Variants in KCNQ1 observed in about 807,000 individuals in gnomAD.
KCNQ1 encodes potassium voltage-gated channel subfamily KQT member 1.
KCNQ1 carries 49 observed loss-of-function variants against 72.4 expected under a neutral mutation model. The observed-to-expected ratio is 0.68, with a 90% confidence interval of 0.54 to 0.86. The LOEUF (loss-of-function observed/expected upper bound fraction) is 0.86. KCNQ1 is among the 40% of genes least tolerant of loss of function. KCNQ1 has a pLI of 0.00. For synonymous variants in KCNQ1, 450 were observed against 412.6 expected (o/e 1.09, Z -1.10); for missense variants, 790 against 945.1 (o/e 0.84, Z 2.15).
At position 2,848,238 on chromosome 11, in the gene KCNQ1, C is replaced by G; in HGVS notation, c.*235C>G. ...CCCGTCTCAGGTCTGAGTTGTTACC[C>G]CAAGCGCCCTGGCCCCCACATGGTG... On this transcript the variant is annotated 3_prime_UTR_variant, in exon 16 of 16. Transcript: ENST00000155840. 1.5e-6 allele frequency: 1 copy of G among 651,464 alleles called. No individual in the cohort carries two copies. The highest frequency in any genetic ancestry group is 2.8e-6 in the Non-Finnish European group (1 of 358,864). 40.4% of individuals were successfully genotyped at this position (651,464 alleles called of 1,614,324 possible).
At chr11:2,716,004 G>A (rs1851086324) in intron 11 of KCNQ1, among the ~76,000 whole-genome samples, 1 of 152,148 alleles carries the variant, frequency 6.6e-6, no homozygotes, top group Non-Finnish European at 1.5e-5. Context: ...AATGGCCCTG[G>A]GAGAGGCTGC....
At chr11:2,739,222 C>T (rs1846008245) in intron 11 of KCNQ1, among the ~76,000 whole-genome samples, 2 of 152,162 alleles carry the variant, frequency 1.3e-5, no homozygotes, top group African/African-American at 4.8e-5. Flanking sequence ...CTGGCTGGCT[C>T]ATACTTGGCC....
At position 2,624,096 on chromosome 11, in the gene KCNQ1, G is replaced by T; in HGVS notation, c.1393+35242G>T. ...AAGTATTTGGTATTGTCAGTGTTTT[G>T]AATTTTGGCCATTCTAATAAGCGTG... On this transcript the variant is annotated intron_variant, in intron 10 of 15. Transcript: ENST00000155840. This position sits in a 1 kb window ranked among gnomAD's most constrained non-coding sequence, Gnocchi z 4.9. 1 of 398,474 alleles carries T rather than the reference G, an allele frequency of 2.5e-6. No homozygotes were observed. Among genetic ancestry groups the T allele is most frequent in the South Asian group, 1.3e-4 (1 of 7,794 alleles). The allele number at this position is 398,474 out of a possible 1,614,324, so 24.7% of individuals were successfully genotyped here.
At chr11:2,520,224 G>T (rs138253618) in intron 1 of KCNQ1, among the ~76,000 whole-genome samples, 1 of 152,234 alleles carries the variant, frequency 6.6e-6, no homozygotes, top group African/African-American at 2.4e-5. Flanking sequence ...GGGGGCTTCT[G>T]GGGGGCAGCC....
chr11:2,740,250 C>G (rs888444431), intron 11 of KCNQ1, among the ~76,000 whole-genome samples: 17 of 152,178 alleles, frequency 1.1e-4, no homozygotes, highest in Non-Finnish European at 1.0e-4. Context: ...TGCTGCTGCC[C>G]ATCGACGCTG....
intron 10 of KCNQ1, chr11:2,629,933 C>A: frequency 2.5e-6 from 1 of 398,340 alleles, no homozygotes; most frequent in Non-Finnish European, 4.4e-6. Context: ...TGCCCAATTC[C>A]TCTGGCTAGG....
At position 2,669,601 on chromosome 11, in the gene KCNQ1, G is replaced by C. The variant is rs1019888236; in HGVS notation, c.1514+7520G>C. ...TTTCATCCTGCCCACAGGACACTGG[G>C]GCAGTCACCTAATCTCTATCAGCCT... is the stretch of plus-strand genomic sequence containing the variant. On this transcript the variant is annotated intron_variant, in intron 11 of 15. Transcript: ENST00000155840. The surrounding 1 kb of genome is among the most constrained non-coding windows in gnomAD (Gnocchi z 5.6). The C allele has an allele frequency of 5.0e-6, 2 of 398,468 alleles. No individual in the cohort carries two copies. The highest frequency in any genetic ancestry group is 8.8e-6 in the Non-Finnish European group (2 of 226,078). The allele number at this position is 398,468 out of a possible 1,614,324, so 24.7% of individuals were successfully genotyped here. A position where few individuals can be genotyped will look rare whatever the true frequency, so the allele number is the denominator to read the frequency against.
chr11:2,637,085 G>A (rs535801539), intron 10 of KCNQ1: 1 of 151,692 alleles, frequency 6.6e-6, no homozygotes, highest in South Asian at 2.1e-4. Flanking sequence ...TTCTTTATTA[G>A]TCTTGCTAGA....
Position 2,608,182 on chromosome 11 carries a change from G to C in KCNQ1, c.1393+19328G>C. 2.6e-6 allele frequency: 1 copy of C among 383,660 alleles called. No homozygotes were observed. Among genetic ancestry groups the C allele is most frequent in the Admixed American group, 4.5e-5 (1 of 22,140 alleles). The allele number at this position is 383,660 out of a possible 1,614,324, so 23.8% of individuals were successfully genotyped here. On this transcript the variant is annotated intron_variant, in intron 10 of 15. Coordinates refer to ENST00000155840, the MANE Select transcript of KCNQ1 (RefSeq NM_000218.3). This position sits in a 1 kb window ranked among gnomAD's most constrained non-coding sequence, Gnocchi z 4.6. ...CTCTTCTATTTTTTTGTTGTTGGAA[G>C]AGGTCATAAAGAATTGATATTCTTT...
Position 2,445,434 on chromosome 11 carries a change from C to A in KCNQ1, c.336C>A (p.Asn112Lys). Residue 112 changes from asparagine to lysine, a missense_variant, in exon 1 of 16, where the codon AAC (asparagine) becomes AAA (lysine). Coordinates refer to ENST00000155840, the MANE Select transcript of KCNQ1 (RefSeq NM_000218.3). ...ARTHVQGRVY[N>K]FLERPTGWKC... ...CCCACGTCCAGGGCCGCGTCTACAA[C>A]TTCCTCGAGCGTCCCACCGGCTGGA... 1 of 1,597,732 alleles carries A rather than the reference C, an allele frequency of 6.3e-7. No homozygotes were observed. Among genetic ancestry groups the A allele is most frequent in the Non-Finnish European group, 8.5e-7 (1 of 1,179,692 alleles).
At chr11:2,732,540 C>T (rs985188644) in intron 11 of KCNQ1, among the ~76,000 whole-genome samples, 2 of 152,204 alleles carry the variant, frequency 1.3e-5, no homozygotes, top group Non-Finnish European at 2.9e-5. Flanking sequence ...TGCAGCCGGG[C>T]AGTGAGGAGC....
rs1452305100 is a variant in KCNQ1, at chr11:2,682,132, C to A, written c.1514+20051C>A. ...CGTGGATCTGCAGGAGATGTCCCAG[C>A]TCATCAAATATTCTTTCAGTATTAA... is the stretch of plus-strand genomic sequence containing the variant. On this transcript the variant is annotated intron_variant, in intron 11 of 15. Transcript: ENST00000155840. This position sits in a 1 kb window ranked among gnomAD's most constrained non-coding sequence, Gnocchi z 5.8. The A allele has an allele frequency of 7.5e-6, 3 of 398,496 alleles. No individual in the cohort carries two copies. Among genetic ancestry groups the A allele is most frequent in the Non-Finnish European group, 1.3e-5 (3 of 226,108 alleles). 24.7% of individuals were successfully genotyped at this position (398,496 alleles called of 1,614,324 possible).
chr11:2,585,129 G>A (rs2133754378), intron 7 of KCNQ1, 83 bp from the exon 8 acceptor site: 3 of 1,254,594 alleles, frequency 2.4e-6, no homozygotes, highest in Non-Finnish European at 3.5e-6. Flanking sequence ...TTCCCACAAC[G>A]GTGACCGGTA....
Position 2,472,066 on chromosome 11 carries a change from A to G in KCNQ1, c.386+26582A>G, listed in dbSNP as rs143614772. 4.5e-3 allele frequency among the ~76,000 whole-genome samples: 658 copies of G among 144,900 alleles called. 9 individuals carry two copies. Among genetic ancestry groups the G allele is most frequent in the African/African-American group, 0.016 (628 of 38,286 alleles). On this transcript the variant is annotated intron_variant, in intron 1 of 15. Coordinates refer to ENST00000155840, the MANE Select transcript of KCNQ1 (RefSeq NM_000218.3). ...GGTATGTATGTGTGCACATGTGTGT[A>G]GGTGTGTGTGTTCATGTATATATGG...
intron 15 of KCNQ1, chr11:2,839,879 C>T (rs1372353090): frequency 6.6e-6 from 1 of 152,236 alleles, no homozygotes; most frequent in Admixed American, 6.5e-5. Flanking sequence ...TGTCGTCTTT[C>T]ACCTCCAGAC....
At chr11:2,681,401 G>T (rs1320373383) in intron 11 of KCNQ1, 1 of 398,480 alleles carries the variant, frequency 2.5e-6, no homozygotes, top group Non-Finnish European at 4.4e-6. Context: ...GGTGACTAAA[G>T]GCAAAGAATG....
In KCNQ1 at chr11:2,541,541, G is replaced by A. The variant is rs1847823368; in HGVS notation, c.477+13523G>A. Among the ~76,000 whole-genome samples the A allele has an allele frequency of 1.3e-5, 2 of 151,952 alleles. No homozygotes were observed. The highest frequency in any genetic ancestry group is 6.6e-5 in the Admixed American group (1 of 15,260). ...ACCCAGCCAGGTCCCTGGACCTGGC[G>A]GTGGCTATGAAAGCCTGGGATTGAG... On this transcript the variant is annotated intron_variant, in intron 2 of 15. Coordinates refer to ENST00000155840, the MANE Select transcript of KCNQ1 (RefSeq NM_000218.3). The surrounding 1 kb of genome is among the most constrained non-coding windows in gnomAD (Gnocchi z 4.8).
At chr11:2,646,496 G>A in intron 10 of KCNQ1, 5 of 398,500 alleles carry the variant, frequency 1.3e-5, no homozygotes, top group Non-Finnish European at 2.2e-5. Flanking sequence ...TGGCTAATTT[G>A]CTGTTTCACA....
Position 2,445,270 on chromosome 11 carries a change from G to A in KCNQ1, c.172G>A (p.Ala58Thr). The change falls in exon 1 of 16, where the codon GCC becomes ACC. Residue 58 changes from alanine (A) to threonine (T), a missense_variant. This residue lies in a region of KCNQ1 where 294 missense variants were observed against 323.3 expected (regional missense o/e 0.91). Coordinates refer to ENST00000155840, the MANE Select transcript of KCNQ1 (RefSeq NM_000218.3). Reference protein sequence around the residue: ...GALYAPIAPGAPGPAPPASPA... With the variant: ...GALYAPIAPGTPGPAPPASPA... ...GCTCTACGCGCCCATCGCGCCCGGC[G>A]CCCCAGGTCCCGCGCCCCCTGCGTC... 8.1e-7 allele frequency: 1 copy of A among 1,233,014 alleles called. No individual in the cohort carries two copies. The highest frequency in any genetic ancestry group is 3.5e-5 in the South Asian group (1 of 28,458). The allele number at this position is 1,233,014 out of a possible 1,614,324, so 76.4% of individuals were successfully genotyped here.
Sources: allele counts gnomAD v4.1 joint callset (sites outside exome capture counted in the v4.1 genomes callset), GRCh38; gene constraint gnomAD v4.1.1; regional missense constraint gnomAD v4.1.1; non-coding constraint Gnocchi (gnomAD v3.1); transcripts MANE v1.5; gene names NCBI Gene and HGNC (gene_info 2026-07-23, HGNC 2026-07-21).